The following RYR3 variants were observed in gnomAD, a reference collection of about 807,000 sequenced individuals.
RYR3 encodes the protein brain ryanodine receptor-calcium release channel.
Under a neutral mutation model 584.3 loss-of-function variants are expected in RYR3, and 207 were observed. The ratio of observed to expected loss-of-function variants is 0.35; its 90% CI spans 0.32 to 0.40. The LOEUF is 0.40. RYR3 is among the 10% of genes least tolerant of loss of function. The pLI is 1.00. For synonymous variants in RYR3, 2,416 were observed against 2,248.5 expected (o/e 1.07, Z -2.11); for missense variants, 5,616 against 6,089.2 (o/e 0.92, Z 2.59).
chr15:33,854,518 T>C (rs534077634), intron 97 of RYR3, 69 bp downstream of exon 97: 56 of 1,319,780 alleles, frequency 4.2e-5, no homozygotes, highest in Admixed American at 7.6e-5. Context: ...AAGCAAGCTA[T>C]GCAGGATGCT....
intron 52 of RYR3, among the ~76,000 whole-genome samples, chr15:33,745,139 G>A (rs1175884542): frequency 1.3e-5 from 2 of 152,144 alleles, no homozygotes; most frequent in Non-Finnish European, 2.9e-5. Flanking sequence ...GTGGTGTCAA[G>A]GAGGACTCCC....
At chr15:33,417,008 G>A (rs184635434) in intron 1 of RYR3, among the ~76,000 whole-genome samples, 107 of 152,120 alleles carry the variant, frequency 7.0e-4, no homozygotes, top group Middle Eastern at 3.4e-3. Flanking sequence ...TAAAGTGTGT[G>A]GCTTTATTTC....
intron 60 of RYR3, among the ~76,000 whole-genome samples, chr15:33,766,715 A>C (rs781145297): frequency 6.6e-6 from 1 of 152,234 alleles, no homozygotes; most frequent in Non-Finnish European, 1.5e-5. Context: ...TCGTGTTTGC[A>C]CTGAATGTGT....
At chr15:33,620,946 G>A (rs960725339) in intron 19 of RYR3, among the ~76,000 whole-genome samples, 1 of 152,216 alleles carries the variant, frequency 6.6e-6, no homozygotes, top group Non-Finnish European at 1.5e-5. Context: ...CAAAGCTTCA[G>A]TATGCAGTAA....
At chr15:33,418,470 A>C (rs986546016) in intron 1 of RYR3, among the ~76,000 whole-genome samples, 1 of 152,132 alleles carries the variant, frequency 6.6e-6, no homozygotes, top group Non-Finnish European at 1.5e-5. Flanking sequence ...AAAAAAGCAC[A>C]AGGGAAGATG....
chr15:33,484,415 G>C lies in RYR3; in HGVS notation c.171+10877G>C, dbSNP rs543179474. ...CAATTTAATTTCCTCTCTAATAGAT[G>C]GCACTACTAGAGAGGGAATTAAATT... On this transcript the variant is annotated intron_variant, in intron 2 of 103. Coordinates refer to ENST00000634891, the MANE Select transcript of RYR3 (RefSeq NM_001036.6). Among the ~76,000 whole-genome samples, 33 of 152,166 alleles carry C rather than the reference G, an allele frequency of 2.2e-4. No homozygotes were observed. The East Asian group carries it at 6.2e-3, about 29-fold the overall frequency.
intron 99 of RYR3, among the ~76,000 whole-genome samples, chr15:33,859,346 CT>C (rs1471924319): frequency 6.6e-6 from 1 of 152,188 alleles, no homozygotes; most frequent in Non-Finnish European, 1.5e-5. Context: ...CTAAAAATAC[CT>C]TTTAAAAGCC....
At chr15:33,488,756 G>A (rs1162129771) in intron 2 of RYR3, among the ~76,000 whole-genome samples, 2 of 152,114 alleles carry the variant, frequency 1.3e-5, no homozygotes, top group African/African-American at 4.8e-5. Context: ...GGAGGCTGAG[G>A]CAGGTAATCG....
intron 43 of RYR3, among the ~76,000 whole-genome samples, chr15:33,709,295 T>C (rs1401278820): frequency 6.6e-6 from 1 of 152,150 alleles, no homozygotes; most frequent in Non-Finnish European, 1.5e-5. Context: ...GGGAAACTTA[T>C]ATCTTATTGA....
At chr15:33,648,035 C>A (rs1242284960) in intron 30 of RYR3, among the ~76,000 whole-genome samples, 8 of 150,460 alleles carry the variant, frequency 5.3e-5, no homozygotes, top group African/African-American at 1.7e-4. Flanking sequence ...GTGTGTCAAC[C>A]CTTCTGTAAA....
At chr15:33,425,101 G>A (rs867277684) in intron 1 of RYR3, among the ~76,000 whole-genome samples, 4 of 152,294 alleles carry the variant, frequency 2.6e-5, no homozygotes, top group Middle Eastern at 3.4e-3. Context: ...CTCCTTAAAA[G>A]TGCACCATGG....
At position 33,825,581 on chromosome 15, in the gene RYR3, GTTTC is replaced by G; in HGVS notation, c.11073-16_11073-13del. 1.3e-6 allele frequency: 2 copies of G among 1,573,116 alleles called. No individual in the cohort carries two copies. The highest frequency in any genetic ancestry group is 1.7e-6 in the Non-Finnish European group (2 of 1,145,574). ...CCCAGCGTGCGTAGCCCTGAACCTT[GTTTC>G]TTTCTGTCTATTAAAAGTGTCCTTG... On this transcript the variant is annotated intron_variant, in intron 81 of 103. Transcript: ENST00000634891.
Position 33,773,510 on chromosome 15 carries a change from A to G in RYR3, c.9056-24A>G, listed in dbSNP as rs1044432815. 38 of 1,548,138 alleles carry G rather than the reference A, an allele frequency of 2.5e-5. No homozygotes were observed. The Middle Eastern group carries it at 8.4e-4, about 34-fold the overall frequency. ...TCTGTATTCAGGATTGATGCAAATC[A>G]ATGATATTTCTTCTTTGTTTCAGTG... On this transcript the variant is annotated intron_variant, in intron 63 of 103. Transcript: ENST00000634891.
In RYR3 at chr15:33,788,404, G is replaced by A; in HGVS notation, c.9776G>A (p.Cys3259Tyr). ...LLILDEFAVL[C>Y]RDLYAFYPML... ...ATCCTGGACGAGTTCGCGGTCCTCT[G>A]CAGAGATCTCTATGCCTTCTACCCC... is the stretch of plus-strand genomic sequence containing the variant. The change falls in exon 67 of 104, where the codon TGC becomes TAC. Residue 3259 changes from cysteine (C) to tyrosine (Y), a missense_variant. By Grantham distance (194) the Cys-to-Tyr change is radical. Transcript: ENST00000634891. The A allele has an allele frequency of 6.2e-7, 1 of 1,613,994 alleles. No homozygotes were observed.
At chr15:33,534,479 A>T (rs1443882704) in intron 5 of RYR3, among the ~76,000 whole-genome samples, 7 of 152,200 alleles carry the variant, frequency 4.6e-5, no homozygotes, top group Admixed American at 4.6e-4. Flanking sequence ...CCCACCAATG[A>T]TATACATCAT....
chr15:33,432,605 CTT>C (rs59006387), intron 1 of RYR3, among the ~76,000 whole-genome samples: 5 of 129,060 alleles, frequency 3.9e-5, no homozygotes, highest in Admixed American at 7.8e-5. Flanking sequence ...TTTTTTCTTT[CTT>C]TTTTTTTTTT....
Position 33,823,083 on chromosome 15 carries a change from G to A in RYR3, c.11072+11G>A, listed in dbSNP as rs762725201. The A allele has an allele frequency of 1.9e-6, 3 of 1,608,536 alleles. No individual in the cohort carries two copies. The East Asian group carries it at 6.7e-5, about 36-fold the overall frequency. Reference sequence around the variant, plus strand: ...TATGCAGTCTTGCAGGTAAATGCGGGAAAACTACCATAGCATTTAAAAAAC... The same window carrying A: ...TATGCAGTCTTGCAGGTAAATGCGGAAAAACTACCATAGCATTTAAAAAAC... On this transcript the variant is annotated intron_variant, in intron 81 of 103. Coordinates refer to ENST00000634891, the MANE Select transcript of RYR3 (RefSeq NM_001036.6).
intron 31 of RYR3, among the ~76,000 whole-genome samples, chr15:33,651,522 A>G (rs1264920372): frequency 6.6e-6 from 1 of 152,230 alleles, no homozygotes; most frequent in Non-Finnish European, 1.5e-5. Context: ...GGGGAAAGTG[A>G]TAGACTTCTA....
Position 33,818,615 on chromosome 15 carries a change from C to A in RYR3, c.10637C>A (p.Thr3546Lys). 1.2e-6 allele frequency: 2 copies of A among 1,613,932 alleles called. No homozygotes were observed. Among genetic ancestry groups the A allele is most frequent in the South Asian group, 1.1e-5 (1 of 91,086 alleles). The part of the protein sequence containing the change: ...PKVEEEEEEE[T>K]EKQPDPLHQI... ...GTGGAAGAGGAGGAGGAGGAAGAGACAGAAAAACAACCTGACCCACTACAT... is the reference window on the plus strand; with the variant it reads ...GTGGAAGAGGAGGAGGAGGAAGAGAAAGAAAAACAACCTGACCCACTACAT... The change falls in exon 76 of 104, where the codon ACA becomes AAA. Residue 3546 changes from threonine to lysine, a missense_variant. Transcript: ENST00000634891.
Sources: gnomAD v4.1 joint callset for allele counts (sites outside exome capture counted in the v4.1 genomes callset) on GRCh38, gnomAD v4.1.1 for gene constraint, MANE v1.5 for transcripts, NCBI Gene and HGNC (gene_info 2026-07-23, HGNC 2026-07-21) for gene names.